Variants in KIAA0232 observed in about 807,000 individuals in gnomAD.
KIAA0232 encodes uncharacterized protein KIAA0232.
In KIAA0232, 27 loss-of-function variants were observed where a neutral mutation model predicts 122.0. The ratio of observed to expected loss-of-function variants is 0.22; its 90% CI spans 0.16 to 0.31. KIAA0232 has a LOEUF of 0.31. Ranked by LOEUF, KIAA0232 falls within the 10% of genes least tolerant of loss-of-function variation. The probability of loss-of-function intolerance (pLI) is 1.00; values close to 1 mark genes in which losing one functional copy is unlikely to be tolerated. For synonymous variants in KIAA0232, 613 were observed against 587.6 expected, an observed-to-expected ratio of 1.04 and a Z score of -0.63; for missense variants, 1,551 against 1,634.2, an observed-to-expected ratio of 0.95 and a Z score of 0.88.
chr4:6,790,144 G>T (rs963886845), intron 1 of KIAA0232, among the ~76,000 whole-genome samples: 6 of 152,114 alleles, frequency 3.9e-5, no homozygotes, highest in Non-Finnish European at 8.8e-5. Flanking sequence ...TATACATTAA[G>T]CAGTAGAAAC....
Position 6,873,016 on chromosome 4 carries a change from C to T in KIAA0232, c.3910+1334C>T, listed in dbSNP as rs185365293. ...AGGAGAGCGTAGAGCTGAGTCTTCA[C>T]TGTTAGCGTCTTCGTTGATTGAACA... On this transcript the variant is annotated intron_variant, in intron 8 of 9. Transcript: ENST00000307659. 1.7e-3 allele frequency among the ~76,000 whole-genome samples: 254 copies of T among 152,336 alleles called. 5 individuals are homozygous for T. The highest frequency in any genetic ancestry group is 3.5e-4 in the Non-Finnish European group (24 of 68,028).
intron 1 of KIAA0232, among the ~76,000 whole-genome samples, chr4:6,800,639 C>A (rs991504317): frequency 3.3e-5 from 5 of 151,764 alleles, no homozygotes; most frequent in Non-Finnish European, 5.9e-5. Context: ...CGAGATCATG[C>A]CACTGCACTG....
intron 3 of KIAA0232, among the ~76,000 whole-genome samples, chr4:6,840,388 T>C (rs1719581172): frequency 2.6e-5 from 4 of 152,144 alleles, no homozygotes; most frequent in Admixed American, 2.6e-4. Context: ...AGACACATTG[T>C]GGTTTTGGTC....
chr4:6,863,496 A>G lies in KIAA0232; in HGVS notation c.3114A>G (p.Ser1038=), dbSNP rs200887174. The G allele has an allele frequency of 4.3e-4, 692 of 1,614,016 alleles. 5 individuals are homozygous for G. In the Middle Eastern group the frequency reaches 0.011, roughly 26 times the overall value. The change falls in exon 7 of 10, where the codon TCA becomes TCG. Residue 1038 remains serine (S), a synonymous_variant. Transcript: ENST00000307659. ...FQVEDPGLEY[S]FSSFDLSNPF... is the part of the protein sequence containing the mutation. The stretch of plus-strand genomic sequence containing the variant: ...TCGAAGATCCTGGACTTGAATACTC[A>G]TTTTCTTCCTTTGACTTAAGCAATC...
chr4:6,871,501 A>C, intron 7 of KIAA0232, 73 bp from the exon 8 acceptor site: 1 of 846,674 alleles, frequency 1.2e-6, no homozygotes, highest in Non-Finnish European at 1.9e-6. Context: ...ATCTGTAGTT[A>C]ATAATGCTTG....
rs1348842941 is a variant in KIAA0232 at position 6,882,948 on chromosome 4, C to CT, written c.*1983dup. 2 of 152,434 alleles carry CT rather than the reference C, an allele frequency of 1.3e-5. No homozygotes were observed. Among genetic ancestry groups the CT allele is most frequent in the Non-Finnish European group, 2.9e-5 (2 of 68,036 alleles). The allele number at this position is 152,434 out of a possible 1,614,324, so 9.4% of individuals were successfully genotyped here. ...ACAGCTGCTGTTTATTAGGAAAGGG[C>CT]TCCAGGTGGCAAAGGTGCACACTTC... On this transcript the variant is annotated 3_prime_UTR_variant, in exon 10 of 10. Transcript: ENST00000307659.
intron 2 of KIAA0232, among the ~76,000 whole-genome samples, chr4:6,813,352 T>A (rs1163167829): frequency 8.7e-6 from 1 of 115,154 alleles, no homozygotes; most frequent in South Asian, 2.9e-4. Context: ...CTTAGATCTG[T>A]TTTTTTTTTT....
Position 6,864,088 on chromosome 4 carries a change from T to C in KIAA0232, c.3706T>C (p.Cys1236Arg). Residue 1236 changes from cysteine (C) to arginine (R), a missense_variant, in exon 7 of 10, where the codon TGC (cysteine) becomes CGC (arginine). Cys to Arg is a radical substitution (Grantham distance 180, BLOSUM62 -3). Coordinates refer to ENST00000307659, the MANE Select transcript of KIAA0232 (RefSeq NM_014743.3). ...SEANCKIMAQ[C>R]EEEINNFCGC... The stretch of plus-strand genomic sequence containing the variant: ...AGCAAATTGTAAAATAATGGCACAA[T>C]GCGAGGAAGAAATTAATAATTTTTG... The C allele has an allele frequency of 6.2e-7, 1 of 1,614,126 alleles. No individual in the cohort carries two copies. The highest frequency in any genetic ancestry group is 1.1e-5 in the South Asian group (1 of 91,070).
At chr4:6,797,826 C>T (rs1322233123) in intron 1 of KIAA0232, among the ~76,000 whole-genome samples, 2 of 149,966 alleles carry the variant, frequency 1.3e-5, no homozygotes, top group Admixed American at 6.6e-5. Flanking sequence ...AATCCCAGCA[C>T]CTTGGGAGGC....
chr4:6,812,290 G>A (rs1717914323), intron 2 of KIAA0232, among the ~76,000 whole-genome samples: 1 of 152,090 alleles, frequency 6.6e-6, no homozygotes. Context: ...TTTGCACACC[G>A]GCTCCATGAG....
intron 3 of KIAA0232, among the ~76,000 whole-genome samples, chr4:6,839,266 A>T (rs1049250399): frequency 6.6e-6 from 1 of 152,218 alleles, no homozygotes; most frequent in African/African-American, 2.4e-5. Flanking sequence ...TTGCATTAGC[A>T]CTTACGTTAG....
At chr4:6,818,047 T>G (rs919801051) in intron 2 of KIAA0232, among the ~76,000 whole-genome samples, 12 of 152,286 alleles carry the variant, frequency 7.9e-5, no homozygotes, top group African/African-American at 2.6e-4. Flanking sequence ...AACCTATTTG[T>G]GTCTTTATAT....
chr4:6,815,067 A>G (rs1012054594), intron 2 of KIAA0232, among the ~76,000 whole-genome samples: 3 of 152,066 alleles, frequency 2.0e-5, no homozygotes, highest in African/African-American at 4.8e-5. Flanking sequence ...CACTTGATAT[A>G]TAGTGGTGCT....
At chr4:6,787,871 G>T (rs1335670549) in intron 1 of KIAA0232, among the ~76,000 whole-genome samples, 2 of 152,176 alleles carry the variant, frequency 1.3e-5, no homozygotes, top group African/African-American at 4.8e-5. Flanking sequence ...CGACAGTTTT[G>T]TTGGTAAGGT....
intron 2 of KIAA0232, among the ~76,000 whole-genome samples, chr4:6,821,692 G>A (rs532034496): frequency 0.034 from 5,161 of 150,214 alleles, 280 homozygotes; most frequent in African/African-American, 0.12. Context: ...ATATATGTGT[G>A]TGTGTGTGTG....
chr4:6,824,963 T>G (rs1481693155), intron 3 of KIAA0232, among the ~76,000 whole-genome samples: 1 of 152,200 alleles, frequency 6.6e-6, no homozygotes, highest in Non-Finnish European at 1.5e-5. Context: ...TGGTCATAGT[T>G]TGGTGACCTG....
chr4:6,837,147 C>A (rs935068730), intron 3 of KIAA0232, among the ~76,000 whole-genome samples: 3 of 151,874 alleles, frequency 2.0e-5, no homozygotes, highest in Non-Finnish European at 4.4e-5. Flanking sequence ...CCCCCCACCT[C>A]CCGAACGGGC....
chr4:6,880,418 T>C (rs1169647916), intron 9 of KIAA0232, among the ~76,000 whole-genome samples: 1 of 151,408 alleles, frequency 6.6e-6, no homozygotes, highest in African/African-American at 2.4e-5. Context: ...CTGGCACATG[T>C]TGGTTTGCTC....
At chr4:6,844,609 T>A (rs1157539774) in intron 4 of KIAA0232, among the ~76,000 whole-genome samples, 1 of 152,028 alleles carries the variant, frequency 6.6e-6, no homozygotes. Context: ...CTAATTTTTG[T>A]ATTTTTAGTA....
Sources: allele counts gnomAD v4.1 joint callset (sites outside exome capture counted in the v4.1 genomes callset), GRCh38; gene constraint gnomAD v4.1.1; transcripts MANE v1.5; gene names NCBI Gene and HGNC (gene_info 2026-07-23, HGNC 2026-07-21).